The following ERCC6L2 variants were observed in gnomAD, a reference collection of about 807,000 sequenced individuals.
ERCC6L2 encodes the protein ERCC excision repair 6 like 2, also known as DNA excision repair protein ERCC-6-like 2.
Under a neutral mutation model 132.0 loss-of-function variants are expected in ERCC6L2, and 77 were observed. The observed-to-expected ratio is 0.58, with a 90% CI of 0.49 to 0.71. The LOEUF (loss-of-function observed/expected upper bound fraction) is 0.71. Among genes scored for constraint, ERCC6L2 ranks in the 30% least tolerant of loss-of-function variants. The pLI is 0.00. For missense variants in ERCC6L2, 1,542 were observed against 1,837.6 expected (o/e 0.84, Z 2.94); for synonymous variants, 583 against 632.4 (o/e 0.92, Z 1.17).
chr9:95,970,691 T>A, intron 15 of ERCC6L2, 35 bp downstream of exon 15: 1 of 1,250,774 alleles, frequency 8.0e-7, no homozygotes. Context: ...CTACAACACC[T>A]AGAAAACATG....
chr9:95,947,825 CT>C (rs1831135170), intron 12 of ERCC6L2, among the ~76,000 whole-genome samples: 1 of 152,128 alleles, frequency 6.6e-6, no homozygotes, highest in Admixed American at 6.5e-5. Context: ...CAGCATATCT[CT>C]TTACAGGATG....
At chr9:95,933,511 A>G (rs535803464) in intron 11 of ERCC6L2, among the ~76,000 whole-genome samples, 15 of 152,136 alleles carry the variant, frequency 9.9e-5, no homozygotes, top group South Asian at 4.1e-4. Flanking sequence ...GTGATTGTCA[A>G]TTTTCTCGCC....
At chr9:95,917,292 A>G (rs1390127182) in intron 6 of ERCC6L2, among the ~76,000 whole-genome samples, 1 of 152,244 alleles carries the variant, frequency 6.6e-6, no homozygotes, top group Non-Finnish European at 1.5e-5. Flanking sequence ...GGATTTTAAA[A>G]AAATATAGTA....
chr9:95,892,965 C>G (rs935223719), intron 2 of ERCC6L2, among the ~76,000 whole-genome samples: 15 of 152,090 alleles, frequency 9.9e-5, no homozygotes, highest in Non-Finnish European at 1.8e-4. Flanking sequence ...CAAATCTGTT[C>G]ATTCAGAAAC....
At chr9:95,938,504 A>G (rs1830658511) in intron 11 of ERCC6L2, among the ~76,000 whole-genome samples, 1 of 152,116 alleles carries the variant, frequency 6.6e-6, no homozygotes, top group Non-Finnish European at 1.5e-5. Flanking sequence ...GACTTCATGT[A>G]TCTTTCAGCT....
At chr9:95,918,891 G>A (rs1022756984) in intron 6 of ERCC6L2, among the ~76,000 whole-genome samples, 14 of 151,300 alleles carry the variant, frequency 9.3e-5, no homozygotes, top group African/African-American at 1.2e-4. Flanking sequence ...TTTTTAAGAC[G>A]GAGTCTCACT....
At chr9:95,913,273 C>G (rs1329719929) in intron 4 of ERCC6L2, among the ~76,000 whole-genome samples, 2 of 152,134 alleles carry the variant, frequency 1.3e-5, no homozygotes, top group Non-Finnish European at 2.9e-5. Context: ...TACCGGTATT[C>G]TCCTGTAAAG....
intron 19 of ERCC6L2, among the ~76,000 whole-genome samples, chr9:96,024,323 A>G (rs1439953882): frequency 1.3e-5 from 2 of 152,254 alleles, no homozygotes; most frequent in African/African-American, 2.4e-5. Context: ...AGCAGAGTGA[A>G]TGAAGGGAAG....
intron 2 of ERCC6L2, among the ~76,000 whole-genome samples, chr9:95,884,032 T>A (rs1827737217): frequency 6.6e-6 from 1 of 152,232 alleles, no homozygotes; most frequent in Admixed American, 6.5e-5. Context: ...TTTACTTTAT[T>A]TTACAGTTCA....
intron 2 of ERCC6L2, among the ~76,000 whole-genome samples, chr9:95,886,279 A>G (rs916757864): frequency 2.0e-5 from 3 of 152,132 alleles, no homozygotes; most frequent in Admixed American, 2.0e-4. Context: ...GACCTCTCAA[A>G]GTGCTGGGAT....
At chr9:96,038,879 A>T in exon 20 of ERCC6L2, 1 of 456,322 alleles carries the variant, frequency 2.2e-6, no homozygotes. Context: ...ATTCCAGGTC[A>T]CAAAGCTCCT....
chr9:95,908,842 A>C (rs1268747273), intron 4 of ERCC6L2, among the ~76,000 whole-genome samples: 1 of 152,172 alleles, frequency 6.6e-6, no homozygotes, highest in Non-Finnish European at 1.5e-5. Context: ...AAGTCAACCG[A>C]AGTTTAGAAA....
At chr9:95,988,574 C>A (rs142895328) in intron 17 of ERCC6L2, among the ~76,000 whole-genome samples, 1 of 152,302 alleles carries the variant, frequency 6.6e-6, no homozygotes, top group East Asian at 1.9e-4. Flanking sequence ...ACAGCAAGAA[C>A]TTTTTATCTT....
intron 4 of ERCC6L2, among the ~76,000 whole-genome samples, chr9:95,908,562 C>G (rs964709928): frequency 2.0e-5 from 3 of 152,160 alleles, no homozygotes; most frequent in Non-Finnish European, 4.4e-5. Flanking sequence ...CAATACAAGG[C>G]TTTTATAGTA....
chr9:96,000,573 G>A (rs1194907606), intron 17 of ERCC6L2, among the ~76,000 whole-genome samples: 1 of 152,126 alleles, frequency 6.6e-6, no homozygotes. Flanking sequence ...GTAAATATTT[G>A]TGGAATTAAA....
chr9:95,925,598 G>A (rs919722785), intron 9 of ERCC6L2, among the ~76,000 whole-genome samples: 4 of 152,112 alleles, frequency 2.6e-5, no homozygotes, highest in Non-Finnish European at 4.4e-5. Flanking sequence ...ATTTATAGTC[G>A]TTCATTTAGT....
intron 2 of ERCC6L2, among the ~76,000 whole-genome samples, chr9:95,893,821 G>A (rs553434671): frequency 1.3e-5 from 2 of 152,180 alleles, no homozygotes; most frequent in Admixed American, 1.3e-4. Context: ...TTCAAAGGAT[G>A]ATCATTTGGC....
intron 11 of ERCC6L2, among the ~76,000 whole-genome samples, chr9:95,940,526 G>A (rs548841142): frequency 1.3e-5 from 2 of 152,184 alleles, no homozygotes; most frequent in African/African-American, 4.8e-5. Flanking sequence ...GTTTCCAAGT[G>A]TGTGGAATTT....
rs201502402 is a variant in ERCC6L2 at position 95,907,058 on chromosome 9, T to A, written c.595-20T>A. ...TTTCAGTTTTTAAAAAACAGCAAAA[T>A]TTTTTTATTCTTGTTTTAGATGTTC... On this transcript the variant is annotated intron_variant, in intron 3 of 18. Transcript: ENST00000653738. The A allele has an allele frequency of 6.4e-5, 101 of 1,574,208 alleles. No homozygotes were observed. The highest frequency in any genetic ancestry group is 8.4e-5 in the Non-Finnish European group (98 of 1,166,010).
Sources: gnomAD v4.1 joint callset for allele counts (sites outside exome capture counted in the v4.1 genomes callset) on GRCh38, gnomAD v4.1.1 for gene constraint, MANE v1.5 for transcripts, NCBI Gene and HGNC (gene_info 2026-07-23, HGNC 2026-07-21) for gene names.